Variants in SLC17A2 observed in about 807,000 individuals in gnomAD.
SLC17A2 encodes sodium-dependent phosphate transport protein 3.
Under a neutral mutation model 52.1 loss-of-function variants are expected in SLC17A2, and 38 were observed. The observed-to-expected ratio is 0.73, with a 90% CI of 0.56 to 0.96. The LOEUF (loss-of-function observed/expected upper bound fraction) is 0.96. SLC17A2 is among the 40% of genes least tolerant of loss of function. The pLI, the probability that SLC17A2 is intolerant of heterozygous loss-of-function variation, is 0.00. For missense variants in SLC17A2, 508 were observed against 583.9 expected (o/e 0.87, Z 1.34); for synonymous variants, 226 against 211.9 (o/e 1.07, Z -0.58).
rs1053957607 is a variant in SLC17A2 at position 25,915,082 on chromosome 6, A to G, written c.1212-412T>C. Among the ~76,000 whole-genome samples the G allele has an allele frequency of 8.9e-5, 13 of 146,104 alleles. No homozygotes were observed. In the East Asian group the frequency reaches 2.4e-3, roughly 27 times the overall value. On this transcript the variant is annotated intron_variant, in intron 10 of 11. Transcript: ENST00000377850. ...GGGATAACAATAGGGCCTACCTAAT[A>G]TAACTGTGAGGATTAGATGTGTTGA...
chr6:25,913,003 C>T lies in SLC17A2; in HGVS notation c.*314G>A. 4.0e-6 allele frequency: 1 copy of T among 251,050 alleles called. No individual in the cohort carries two copies. The highest frequency in any genetic ancestry group is 7.7e-6 in the Non-Finnish European group (1 of 130,190). The allele number at this position is 251,050 out of a possible 1,614,324, so 15.6% of individuals were successfully genotyped here. ...GAATTTTTATTTATTTAGTACTTTC[C>T]AATGAGGAAAATTCAAAGGCCACAT... On this transcript the variant is annotated 3_prime_UTR_variant, in exon 12 of 12. Transcript: ENST00000377850.
intron 2 of SLC17A2, among the ~76,000 whole-genome samples, chr6:25,924,144 A>G (rs1480125475): frequency 6.6e-6 from 1 of 152,188 alleles, no homozygotes; most frequent in Admixed American, 6.5e-5. Context: ...TCAAGGGGAT[A>G]GGAAACACAT....
intron 1 of SLC17A2, 57 bp from the exon 2 acceptor site, chr6:25,925,936 T>C (rs1219264419): frequency 1.1e-6 from 1 of 893,020 alleles, no homozygotes; most frequent in Admixed American, 1.8e-5. Context: ...CTTGTTAATG[T>C]TGCCTCCTCT....
chr6:25,921,443 A>G (rs1331158606), intron 3 of SLC17A2, 31 bp from the exon 4 acceptor site: 1 of 1,496,954 alleles, frequency 6.7e-7, no homozygotes, highest in South Asian at 1.1e-5. Flanking sequence ...CTCTTTGTCA[A>G]GAAGTCCTAT....
At chr6:25,919,708 A>AAAAAAAAAAAAAAAAT (rs1766476278) in intron 5 of SLC17A2, among the ~76,000 whole-genome samples, 1 of 146,626 alleles carries the variant, frequency 6.8e-6, no homozygotes, top group South Asian at 2.2e-4. Flanking sequence ...TCAAAAAAAA[A>AAAAAAAAAAAAAAAAT]AAAAAAAAAA....
chr6:25,913,481 A>G, intron 11 of SLC17A2, 30 bp from the exon 12 acceptor site: 1 of 1,609,672 alleles, frequency 6.2e-7, no homozygotes, highest in Non-Finnish European at 8.5e-7. Flanking sequence ...AAAATGATCA[A>G]TCTCACAAGT....
chr6:25,928,917 T>C (rs376407613), intron 1 of SLC17A2, among the ~76,000 whole-genome samples: 3 of 152,134 alleles, frequency 2.0e-5, no homozygotes, highest in African/African-American at 7.2e-5. Flanking sequence ...TAAAGGAAAA[T>C]GTTATATTAA....
intron 6 of SLC17A2, 32 bp from the exon 7 acceptor site, chr6:25,917,119 T>C: frequency 2.6e-6 from 4 of 1,537,900 alleles, no homozygotes; most frequent in Non-Finnish European, 3.6e-6. Context: ...AGTTTTTAGG[T>C]AGATTTGTTT....
Position 25,916,273 on chromosome 6 carries a change from T to G in SLC17A2, c.931-405A>C, listed in dbSNP as rs1191320463. Among the ~76,000 whole-genome samples the G allele has an allele frequency of 3.9e-5, 6 of 152,056 alleles. No individual in the cohort carries two copies. In the East Asian group the frequency reaches 1.2e-3, roughly 29 times the overall value. ...TTTTTGTATTTTTAGTAGATGATAT[T>G]TAGTAAACCATATTGGTCAGGCTGG... On this transcript the variant is annotated intron_variant, in intron 8 of 11. Coordinates refer to ENST00000377850, the MANE Select transcript of SLC17A2 (RefSeq NM_001286123.3).
chr6:25,915,453 C>T (rs1766271926), intron 10 of SLC17A2, 46 bp downstream of exon 10: 2 of 1,522,474 alleles, frequency 1.3e-6, no homozygotes, highest in Non-Finnish European at 1.8e-6. Context: ...GGTCTAACAC[C>T]TCTGGAGGGG....
At chr6:25,913,798 GTTTGT>G (rs1766195943) in intron 11 of SLC17A2, among the ~76,000 whole-genome samples, 1 of 149,236 alleles carries the variant, frequency 6.7e-6, no homozygotes, top group Non-Finnish European at 1.5e-5. Context: ...TGTTGTTGCT[GTTTGT>G]TTTGTTTTTT....
At chr6:25,916,206 G>A (rs987905429) in intron 8 of SLC17A2, among the ~76,000 whole-genome samples, 3 of 152,098 alleles carry the variant, frequency 2.0e-5, no homozygotes, top group African/African-American at 7.2e-5. Flanking sequence ...TCAGCCTCCT[G>A]AATAGCTGGG....
At position 25,923,752 on chromosome 6, in the gene SLC17A2, C is replaced by A; in HGVS notation, c.183G>T (p.Gly61=). The A allele has an allele frequency of 1.2e-6, 2 of 1,614,158 alleles. No individual in the cohort carries two copies. The highest frequency in any genetic ancestry group is 1.3e-5 in the African/African-American group (1 of 75,036). Residue 61 remains glycine (G), a synonymous_variant, in exon 3 of 12, where the codon GGG becomes GGT. Transcript: ENST00000377850. Reference sequence around the variant, plus strand: ...AGTTATTGAAGGCATCTGCAACAGGCCCCTCAGTGGAGGCATTAGATAGAC... The same window carrying A: ...AGTTATTGAAGGCATCTGCAACAGGACCCTCAGTGGAGGCATTAGATAGAC... The part of the protein sequence containing the change: ...QQGLSNASTE[G]PVADAFNNSS...
At chr6:25,918,677 T>C (rs752698703) in intron 5 of SLC17A2, 104 bp from the exon 6 acceptor site, 17 of 711,978 alleles carry the variant, frequency 2.4e-5, no homozygotes, top group Non-Finnish European at 3.8e-5. Flanking sequence ...CTTAGAATTA[T>C]TGGGCAATGA....
chr6:25,920,715 T>G (rs1465851207), intron 5 of SLC17A2, among the ~76,000 whole-genome samples: 2 of 152,172 alleles, frequency 1.3e-5, no homozygotes, highest in African/African-American at 2.4e-5. Context: ...TGTGTGCAAT[T>G]CTTAAAGGTT....
intron 1 of SLC17A2, 59 bp from the exon 2 acceptor site, chr6:25,925,938 G>C: frequency 3.4e-6 from 3 of 892,466 alleles, no homozygotes; most frequent in East Asian, 2.4e-5. Context: ...TGTTAATGTT[G>C]CCTCCTCTTA....
At chr6:25,920,738 G>T (rs181332168) in intron 5 of SLC17A2, among the ~76,000 whole-genome samples, 150 of 152,108 alleles carry the variant, frequency 9.9e-4, no homozygotes, top group Middle Eastern at 3.4e-3. Context: ...AACTTTTTCC[G>T]ACAAGGCTTT....
rs1766747620 is a variant in SLC17A2 at position 25,925,905 on chromosome 6, A to G, written c.-83-26T>C. On this transcript the variant is annotated intron_variant, in intron 1 of 11. Transcript: ENST00000377850. ...CTATGGAGAGAACATAATCCAAAACATAATACACAAATAATTTCCCCTTGT... is the reference window on the plus strand; with the variant it reads ...CTATGGAGAGAACATAATCCAAAACGTAATACACAAATAATTTCCCCTTGT... 15 of 1,129,574 alleles carry G rather than the reference A, an allele frequency of 1.3e-5. 1 individual carries two copies. In the South Asian group the frequency reaches 1.7e-4, roughly 13 times the overall value. The allele number at this position is 1,129,574 out of a possible 1,614,324, so 70.0% of individuals were successfully genotyped here. A position where few individuals can be genotyped will look rare whatever the true frequency, so the allele number is the denominator to read the frequency against.
chr6:25,925,280 G>A (rs574944814), intron 2 of SLC17A2, among the ~76,000 whole-genome samples: 61 of 152,204 alleles, frequency 4.0e-4, no homozygotes, highest in African/African-American at 1.2e-3. Context: ...TTGGGAGGCC[G>A]AGGCCGGTGG....
Sources: allele counts gnomAD v4.1 joint callset (sites outside exome capture counted in the v4.1 genomes callset), GRCh38; gene constraint gnomAD v4.1.1; transcripts MANE v1.5; gene names NCBI Gene and HGNC (gene_info 2026-07-23, HGNC 2026-07-21).